Variants in CETN3 observed in about 807,000 individuals in gnomAD.
CETN3 encodes the protein centrin-3.
Under a neutral mutation model 20.1 loss-of-function variants are expected in CETN3, and 17 were observed. The observed-to-expected ratio is 0.85, with a 90% CI of 0.58 to 1.27. The LOEUF (loss-of-function observed/expected upper bound fraction) is 1.27. Ranked by LOEUF, CETN3 falls within the 50% of genes most tolerant of loss-of-function variation. The probability of loss-of-function intolerance (pLI) is 0.00; values close to 1 mark genes in which losing one functional copy is unlikely to be tolerated. For missense variants in CETN3, 169 were observed against 191.2 expected (o/e 0.88, Z 0.69); for synonymous variants, 52 against 59.7 (o/e 0.87, Z 0.59).
At chr5:90,407,856 C>A in intron 1 of CETN3, 22 bp from the exon 2 acceptor site, 5 of 1,542,544 alleles carry the variant, frequency 3.2e-6, no homozygotes, top group Non-Finnish European at 4.4e-6. Flanking sequence ...AAAGAAAAAG[C>A]CCTTAGTCCA....
chr5:90,409,299 A>T (rs1749555759), intron 1 of CETN3, among the ~76,000 whole-genome samples: 1 of 152,174 alleles, frequency 6.6e-6, no homozygotes, highest in Non-Finnish European at 1.5e-5. Flanking sequence ...GACCAGGCAC[A>T]CGGATGAATG....
Position 90,393,413 on chromosome 5 carries a change from T to C in CETN3, c.*651A>G, listed in dbSNP as rs1200743886. ...AAATTAACTTTCATACTTACAATGA[T>C]ACCAAGTTAAGAAACATAATACACA... On this transcript the variant is annotated 3_prime_UTR_variant, in exon 5 of 5. Coordinates refer to ENST00000283122, the MANE Select transcript of CETN3 (RefSeq NM_004365.4). 9 of 152,186 alleles carry C rather than the reference T, an allele frequency of 5.9e-5. No homozygotes were observed. Among genetic ancestry groups the C allele is most frequent in the African/African-American group, 1.9e-4 (8 of 41,452 alleles). 9.4% of individuals were successfully genotyped at this position (152,186 alleles called of 1,614,324 possible).
rs569256457 is a variant in CETN3, at chr5:90,402,885, C to A, written c.268+2800G>T. Among the ~76,000 whole-genome samples, 151 of 152,304 alleles carry A rather than the reference C, an allele frequency of 9.9e-4. 1 individual carries two copies. The highest frequency in any genetic ancestry group is 3.5e-3 in the African/African-American group (145 of 41,560). The stretch of plus-strand genomic sequence containing the variant: ...ACCTTTTAGTAACTTTTAATTAAGT[C>A]TTCTTCCCAACCCCAGTACAGTACC... On this transcript the variant is annotated intron_variant, in intron 3 of 4. Transcript: ENST00000283122.
At chr5:90,406,947 A>G (rs1421547265) in intron 2 of CETN3, among the ~76,000 whole-genome samples, 7 of 151,726 alleles carry the variant, frequency 4.6e-5, no homozygotes, top group Non-Finnish European at 1.5e-5. Context: ...TATACATTCT[A>G]TCCTGTCACT....
intron 3 of CETN3, among the ~76,000 whole-genome samples, chr5:90,403,353 A>C (rs1749349211): frequency 6.6e-6 from 1 of 152,226 alleles, no homozygotes; most frequent in Non-Finnish European, 1.5e-5. Flanking sequence ...ACAGTAATAC[A>C]TTTTTATTTG....
chr5:90,405,750 T>A lies in CETN3; in HGVS notation c.203A>T (p.Lys68Met). The change falls in exon 3 of 5, where the codon AAG (lysine) becomes ATG (methionine). Residue 68 changes from lysine (K) to methionine (M), a missense_variant. Physicochemically the swap from Lys to Met is moderately conservative, Grantham distance 95. Coordinates refer to ENST00000283122, the MANE Select transcript of CETN3 (RefSeq NM_004365.4). The part of the protein sequence containing the change: ...GFDVKKADVL[K>M]ILKDYDREAT... ...TTCTCTGTCATAATCTTTAAGAATC[T>A]TCAGTACATCAGCTTTTTTTACATC... The A allele has an allele frequency of 6.2e-7, 1 of 1,612,970 alleles. No homozygotes were observed. Among genetic ancestry groups the A allele is most frequent in the Non-Finnish European group, 8.5e-7 (1 of 1,179,512 alleles).
chr5:90,399,318 A>T (rs762767114), intron 4 of CETN3, 40 bp downstream of exon 4: 1 of 1,595,042 alleles, frequency 6.3e-7, no homozygotes, highest in South Asian at 1.1e-5. Context: ...CATGTGTAGC[A>T]TCAGGAAAAC....
intron 4 of CETN3, chr5:90,396,608 A>G: frequency 7.4e-7 from 1 of 1,353,490 alleles, no homozygotes; most frequent in South Asian, 1.3e-5. Context: ...GAATGATTTG[A>G]TTACAAATCA....
chr5:90,400,168 T>A (rs1257473037), intron 3 of CETN3, among the ~76,000 whole-genome samples: 1 of 152,084 alleles, frequency 6.6e-6, no homozygotes, highest in Non-Finnish European at 1.5e-5. Context: ...GTAAATAGGA[T>A]CAAATCTGAC....
chr5:90,405,272 C>T (rs747573312), intron 3 of CETN3: 14 of 180,710 alleles, frequency 7.7e-5, no homozygotes, highest in Non-Finnish European at 1.6e-4. Flanking sequence ...TCTTCTCCCA[C>T]TTAGCCAACA....
chr5:90,409,583 A>C, intron 1 of CETN3, 62 bp downstream of exon 1: 1 of 1,603,178 alleles, frequency 6.2e-7, no homozygotes, highest in Non-Finnish European at 8.5e-7. Context: ...TCCCTTCCAC[A>C]CACACCCTCC....
rs186656150 is a variant in CETN3, at chr5:90,408,926, C to A, written c.17+719G>T. Among the ~76,000 whole-genome samples, 38 of 152,134 alleles carry A rather than the reference C, an allele frequency of 2.5e-4. 3 individuals carry two copies. The East Asian group carries it at 3.9e-3, about 16-fold the overall frequency. ...TATTCCTGGGGTCAGTCTTTTCCTTCCTGAGACTTTTGGAGGCCAAGTCCA... is the reference window on the plus strand; with the variant it reads ...TATTCCTGGGGTCAGTCTTTTCCTTACTGAGACTTTTGGAGGCCAAGTCCA... On this transcript the variant is annotated intron_variant, in intron 1 of 4. Transcript: ENST00000283122.
At chr5:90,400,095 G>C (rs1217469852) in intron 3 of CETN3, among the ~76,000 whole-genome samples, 1 of 152,262 alleles carries the variant, frequency 6.6e-6, no homozygotes, top group African/African-American at 2.4e-5. Context: ...GACAGCATTT[G>C]AAAATTCCAC....
At chr5:90,397,849 T>C (rs1004271484) in intron 4 of CETN3, among the ~76,000 whole-genome samples, 3 of 152,172 alleles carry the variant, frequency 2.0e-5, no homozygotes, top group African/African-American at 4.8e-5. Flanking sequence ...GCATCTATTA[T>C]ACACATGTAT....
intron 4 of CETN3, chr5:90,396,604 T>A: frequency 7.1e-7 from 1 of 1,412,680 alleles, no homozygotes; most frequent in Non-Finnish European, 9.6e-7. Flanking sequence ...CTTAGAATGA[T>A]TTGATTACAA....
intron 3 of CETN3, among the ~76,000 whole-genome samples, chr5:90,403,990 GAA>G (rs956808917): frequency 5.3e-5 from 8 of 150,364 alleles, no homozygotes; most frequent in African/African-American, 2.0e-4. Context: ...TAGCCTTTAT[GAA>G]AAAAGTCAAT....
Position 90,394,097 on chromosome 5 carries a change from CT to C in CETN3, c.470del (p.Glu157GlyfsTer7). 6.4e-7 allele frequency: 1 copy of C among 1,556,478 alleles called. No individual in the cohort carries two copies. Among genetic ancestry groups the C allele is most frequent in the Non-Finnish European group, 8.8e-7 (1 of 1,137,512 alleles). Reference protein sequence around the residue: ...DKDGDGEINQEEFIAIMTGDI With the variant: ...DKDGDGEINQXEFIAIMTGDI ...CACCAGTCATAATAGCAATGAACTC[CT>C]CTTGGTTTACTGTGGTAAGAAAGAA... On this transcript the variant is annotated frameshift_variant, in exon 5 of 5. Coordinates refer to ENST00000283122, the MANE Select transcript of CETN3 (RefSeq NM_004365.4). LOFTEE classifies it high-confidence loss of function.
At chr5:90,396,188 T>C (rs982347625) in intron 4 of CETN3, 1 of 985,326 alleles carries the variant, frequency 1.0e-6, no homozygotes, top group Non-Finnish European at 1.2e-6. Context: ...GAATAGTGTA[T>C]GCCTCACAGA....
At chr5:90,397,233 C>T (rs1311819899) in intron 4 of CETN3, among the ~76,000 whole-genome samples, 1 of 152,054 alleles carries the variant, frequency 6.6e-6, no homozygotes, top group African/African-American at 2.4e-5. Flanking sequence ...AGCTACTTTA[C>T]TTTAATTGTC....
Sources: allele counts gnomAD v4.1 joint callset (sites outside exome capture counted in the v4.1 genomes callset), GRCh38; gene constraint gnomAD v4.1.1; transcripts MANE v1.5; gene names NCBI Gene and HGNC (gene_info 2026-07-23, HGNC 2026-07-21).